ARHGAP15: variants seen among roughly 807,000 people sequenced by gnomAD.
ARHGAP15 encodes the protein rho GTPase-activating protein 15.
In ARHGAP15, 51 loss-of-function variants were observed where a neutral mutation model predicts 63.7. The observed-to-expected ratio is 0.80, with a 90% CI of 0.64 to 1.01. ARHGAP15 has a LOEUF of 1.01. Ranked by LOEUF, ARHGAP15 falls within the 50% of genes least tolerant of loss-of-function variation. The pLI is 0.00. For missense variants in ARHGAP15, 560 were observed against 564.6 expected (o/e 0.99, Z 0.08); for synonymous variants, 191 against 193.8 (o/e 0.99, Z 0.12).
intron 5 of ARHGAP15, among the ~76,000 whole-genome samples, chr2:143,233,206 T>C (rs1693516527): frequency 1.3e-5 from 2 of 152,112 alleles, no homozygotes; most frequent in Admixed American, 6.6e-5. Context: ...TATTTCTCCA[T>C]GAACCTTGGA....
At chr2:143,299,528 T>C (rs2105146176) in intron 6 of ARHGAP15, among the ~76,000 whole-genome samples, 1 of 152,152 alleles carries the variant, frequency 6.6e-6, no homozygotes, top group Admixed American at 6.6e-5. Flanking sequence ...TGAGAGATTA[T>C]TGAATCCTAC....
At chr2:143,478,587 T>A (rs1691930252) in intron 8 of ARHGAP15, among the ~76,000 whole-genome samples, 1 of 152,168 alleles carries the variant, frequency 6.6e-6, no homozygotes. Context: ...GAACCTCAGA[T>A]TTCTAATCTG....
At chr2:143,346,236 TCACACACACACACTCACACACACACA>T (rs1685289302) in intron 6 of ARHGAP15, among the ~76,000 whole-genome samples, 1 of 82,548 alleles carries the variant, frequency 1.2e-5, no homozygotes, top group Admixed American at 9.9e-5. Context: ...ACACTCTCTC[TCACACACACACACTCACACACACACA>T]CACACACACA....
intron 12 of ARHGAP15, among the ~76,000 whole-genome samples, chr2:143,677,062 T>C (rs1489781140): frequency 6.6e-6 from 1 of 152,248 alleles, no homozygotes; most frequent in Non-Finnish European, 1.5e-5. Context: ...ATTTATGGTA[T>C]GTTTCAGTTT....
intron 6 of ARHGAP15, among the ~76,000 whole-genome samples, chr2:143,411,883 A>C (rs1304636462): frequency 6.6e-6 from 1 of 152,212 alleles, no homozygotes; most frequent in Non-Finnish European, 1.5e-5. Context: ...GTGATATTGA[A>C]GATGAATCAG....
intron 12 of ARHGAP15, among the ~76,000 whole-genome samples, chr2:143,678,059 A>C (rs1299953294): frequency 2.0e-5 from 3 of 152,116 alleles, no homozygotes; most frequent in Non-Finnish European, 4.4e-5. Flanking sequence ...CAAAAACATA[A>C]GAATTAGCCA....
chr2:143,456,590 C>T (rs1225201499), intron 8 of ARHGAP15, among the ~76,000 whole-genome samples: 2 of 144,492 alleles, frequency 1.4e-5, no homozygotes, highest in Non-Finnish European at 3.0e-5. Flanking sequence ...CTGTTCTAAG[C>T]ATGTAGCATG....
At position 143,373,629 on chromosome 2, in the gene ARHGAP15, CAAAA is replaced by C. The variant is rs58153000; in HGVS notation, c.475-61944_475-61941del. ...TGGGTGAGAGAGCCAGACTCTATCT[CAAAA>C]AAAAAAAAAAAAAAAAAAAAAAAAA... On this transcript the variant is annotated intron_variant, in intron 6 of 13. Transcript: ENST00000295095. Among the ~76,000 whole-genome samples the C allele has an allele frequency of 7.4e-3, 468 of 62,952 alleles. 8 individuals carry two copies. Among genetic ancestry groups the C allele is most frequent in the Non-Finnish European group, 8.7e-3 (283 of 32,354 alleles). 41.3% of individuals were successfully genotyped at this position (62,952 alleles called of 152,430 possible).
intron 6 of ARHGAP15, among the ~76,000 whole-genome samples, chr2:143,253,693 TATA>T (rs1680277067): frequency 7.1e-6 from 1 of 140,182 alleles, no homozygotes; most frequent in Admixed American, 7.7e-5. Context: ...TATTAGATGT[TATA>T]ATTTATATTA....
chr2:143,612,796 G>C (rs1177880964), intron 11 of ARHGAP15, among the ~76,000 whole-genome samples: 1 of 152,196 alleles, frequency 6.6e-6, no homozygotes, highest in Non-Finnish European at 1.5e-5. Flanking sequence ...GAGTGAACCT[G>C]AACAAGTTCC....
intron 9 of ARHGAP15, among the ~76,000 whole-genome samples, chr2:143,500,473 G>A (rs562289036): frequency 2.0e-5 from 3 of 152,036 alleles, no homozygotes; most frequent in Admixed American, 6.6e-5. Context: ...TACAATTTGT[G>A]GAATAAGAGA....
At chr2:143,437,180 T>C in intron 8 of ARHGAP15, 138 bp downstream of exon 8, 1 of 1,003,710 alleles carries the variant, frequency 1.0e-6, no homozygotes, top group South Asian at 1.8e-5. Context: ...GCCAGGGATT[T>C]GTGCACTGGA....
chr2:143,404,714 G>A (rs1688126552), intron 6 of ARHGAP15, among the ~76,000 whole-genome samples: 1 of 151,904 alleles, frequency 6.6e-6, no homozygotes. Flanking sequence ...CAAGCTCTAG[G>A]GATGGTTCTG....
At chr2:143,659,230 G>A (rs977449175) in intron 12 of ARHGAP15, among the ~76,000 whole-genome samples, 1 of 151,952 alleles carries the variant, frequency 6.6e-6, no homozygotes, top group Non-Finnish European at 1.5e-5. Context: ...CTTAAAATTT[G>A]TAAGTAGGGA....
At chr2:143,558,784 T>C (rs1469014185) in intron 11 of ARHGAP15, among the ~76,000 whole-genome samples, 1 of 152,150 alleles carries the variant, frequency 6.6e-6, no homozygotes, top group South Asian at 2.1e-4. Context: ...CATTCAACTC[T>C]CCAGCAATTC....
At chr2:143,261,711 G>GC (rs1558850418) in intron 6 of ARHGAP15, among the ~76,000 whole-genome samples, 1 of 152,054 alleles carries the variant, frequency 6.6e-6, no homozygotes, top group African/African-American at 2.4e-5. Flanking sequence ...CATCATATTT[G>GC]CCTTCTGGCT....
intron 5 of ARHGAP15, among the ~76,000 whole-genome samples, chr2:143,240,247 C>A (rs1693816710): frequency 6.6e-6 from 1 of 151,636 alleles, no homozygotes; most frequent in Non-Finnish European, 1.5e-5. Flanking sequence ...TGTTTACTTT[C>A]AATATGAGTA....
chr2:143,367,924 A>C (rs1349931099), intron 6 of ARHGAP15, among the ~76,000 whole-genome samples: 1 of 152,070 alleles, frequency 6.6e-6, no homozygotes, highest in Non-Finnish European at 1.5e-5. Flanking sequence ...AGAACTACAG[A>C]TATTTTAATT....
At chr2:143,610,135 G>T (rs534999166) in intron 11 of ARHGAP15, among the ~76,000 whole-genome samples, 5 of 152,072 alleles carry the variant, frequency 3.3e-5, no homozygotes, top group Non-Finnish European at 7.4e-5. Context: ...CTGAATGGCA[G>T]GTTGTGGCCT....
Sources: gnomAD v4.1 joint callset for allele counts (sites outside exome capture counted in the v4.1 genomes callset) on GRCh38, gnomAD v4.1.1 for gene constraint, MANE v1.5 for transcripts, NCBI Gene and HGNC (gene_info 2026-07-23, HGNC 2026-07-21) for gene names.